Variants in MYO16 observed in about 807,000 individuals in gnomAD.
MYO16 encodes myosin XVI.
In MYO16, 94 loss-of-function variants were observed where a neutral mutation model predicts 205.3. The observed-to-expected ratio is 0.46, with a 90% CI of 0.39 to 0.54. MYO16 has a LOEUF of 0.54. Among genes scored for constraint, MYO16 ranks in the 20% least tolerant of loss-of-function variants. The probability of loss-of-function intolerance (pLI) is 0.00; values close to 1 mark genes in which losing one functional copy is unlikely to be tolerated. For missense variants in MYO16, 2,315 were observed against 2,387.5 expected, an observed-to-expected ratio of 0.97 and a Z score of 0.63; for synonymous variants, 988 against 954.0, an observed-to-expected ratio of 1.04 and a Z score of -0.66.
chr13:108,854,791 A>G (rs914458168), intron 10 of MYO16, among the ~76,000 whole-genome samples: 1 of 152,186 alleles, frequency 6.6e-6, no homozygotes, highest in African/African-American at 2.4e-5. Context: ...GAAGAATCCA[A>G]ATTTATCTTT....
At chr13:108,543,615 C>G in the MYO16 span, among the ~76,000 whole-genome samples, 2 of 144,808 alleles carry the variant, frequency 1.4e-5, no homozygotes, top group African/African-American at 5.1e-5. Flanking sequence ...GCACTCCAGC[C>G]TGGGCGACAG....
Position 108,718,125 on chromosome 13 carries a change from C to A in MYO16, c.363+5394C>A, listed in dbSNP as rs151332248. Among the ~76,000 whole-genome samples the A allele has an allele frequency of 6.6e-4, 100 of 152,116 alleles. 1 individual carries two copies. In the South Asian group the frequency reaches 0.014, roughly 22 times the overall value. Reference sequence around the variant, plus strand: ...TACTACAGTAGGGGTGGTTCAACAGCCTAATATCTTCAAAGTCTAGCAGAA... The same window carrying A: ...TACTACAGTAGGGGTGGTTCAACAGACTAATATCTTCAAAGTCTAGCAGAA... On this transcript the variant is annotated intron_variant, in intron 3 of 34. Coordinates refer to ENST00000457511, the MANE Select transcript of MYO16 (RefSeq NM_001198950.3).
chr13:109,137,694 C>A (rs541990624), intron 31 of MYO16, among the ~76,000 whole-genome samples: 1 of 152,020 alleles, frequency 6.6e-6, no homozygotes, highest in Non-Finnish European at 1.5e-5. Flanking sequence ...TGAATGATTC[C>A]CATTGTTTTC....
intron 6 of MYO16, among the ~76,000 whole-genome samples, chr13:108,798,860 C>A (rs970710874): frequency 6.9e-6 from 1 of 144,094 alleles, no homozygotes; most frequent in Admixed American, 7.0e-5. Context: ...CGCCCGCCAC[C>A]GCGCCCGGCT....
At position 109,001,965 on chromosome 13, in the gene MYO16, ATATCT is replaced by A. The variant is rs550961915; in HGVS notation, c.2443-6928_2443-6924del. On this transcript the variant is annotated intron_variant, in intron 21 of 34. Transcript: ENST00000457511. ...GTCTCATGTGAACACACACACATTA[ATATCT>A]TATATATACACATATATATTAACTA... Among the ~76,000 whole-genome samples the A allele has an allele frequency of 3.4e-3, 522 of 152,248 alleles. 1 individual carries two copies. The highest frequency in any genetic ancestry group is 0.012 in the African/African-American group (491 of 41,538).
intron 21 of MYO16, 144 bp from the exon 22 acceptor site, chr13:109,008,749 ACTGT>A: frequency 8.3e-6 from 4 of 482,774 alleles, no homozygotes; most frequent in East Asian, 8.4e-5. Context: ...TGTATGCACT[ACTGT>A]ACTATCTTGT....
At chr13:108,502,394 AAAGTT>A in the MYO16 span, among the ~76,000 whole-genome samples, 1 of 152,218 alleles carries the variant, frequency 6.6e-6, no homozygotes, top group Non-Finnish European at 1.5e-5. Context: ...TAATGTAAGT[AAAGTT>A]AATTCCTCAT....
chr13:108,558,982 T>A, the MYO16 span, among the ~76,000 whole-genome samples: 1 of 119,846 alleles, frequency 8.3e-6, no homozygotes, highest in South Asian at 2.8e-4. Flanking sequence ...GATGAGATGT[T>A]GATTTTTTTT....
the MYO16 span, among the ~76,000 whole-genome samples, chr13:108,545,767 T>C: frequency 6.6e-6 from 1 of 152,178 alleles, no homozygotes; most frequent in Non-Finnish European, 1.5e-5. Context: ...GGGATGGAGT[T>C]TGACTTACAC....
chr13:109,124,982 A>T, intron 29 of MYO16, 130 bp from the exon 30 acceptor site: 1 of 1,015,140 alleles, frequency 9.9e-7, no homozygotes, highest in Non-Finnish European at 1.4e-6. Flanking sequence ...ATTTAGATAA[A>T]GTCTTATTCT....
intron 21 of MYO16, among the ~76,000 whole-genome samples, chr13:108,999,557 A>G (rs1469577975): frequency 1.3e-5 from 2 of 152,208 alleles, no homozygotes; most frequent in Non-Finnish European, 2.9e-5. Context: ...GTGTTTATAG[A>G]TAGCATGATT....
At chr13:108,876,167 ATTAT>A (rs1224484131) in intron 12 of MYO16, among the ~76,000 whole-genome samples, 3 of 152,208 alleles carry the variant, frequency 2.0e-5, no homozygotes, top group South Asian at 2.1e-4. Flanking sequence ...CTATCATTTA[ATTAT>A]TCTTAATATT....
the MYO16 span, among the ~76,000 whole-genome samples, chr13:108,577,478 A>C: frequency 0.65 from 98,344 of 151,952 alleles, 33,158 homozygotes; most frequent in Non-Finnish European, 0.74. Flanking sequence ...TATCTTCCTG[A>C]CTTCATGGCT....
chr13:109,066,806 T>C (rs1887762872), intron 27 of MYO16, among the ~76,000 whole-genome samples: 1 of 152,162 alleles, frequency 6.6e-6, no homozygotes, highest in South Asian at 2.1e-4. Flanking sequence ...TGGCTGGTTT[T>C]GGCTCAAGGG....
In MYO16 at chr13:108,868,917, C is replaced by CAAA. The variant is rs34882433; in HGVS notation, c.1425+2689_1425+2691dup. On this transcript the variant is annotated intron_variant, in intron 12 of 34. Coordinates refer to ENST00000457511, the MANE Select transcript of MYO16 (RefSeq NM_001198950.3). Reference sequence around the variant, plus strand: ...GCTGGGCAACAGAGTGAGACTCTGTCAAAAAAAAAAAAAAAATCCTTTCTC... The same window carrying CAAA: ...GCTGGGCAACAGAGTGAGACTCTGTCAAAAAAAAAAAAAAAAAAATCCTTTCTC... Among the ~76,000 whole-genome samples, 127 of 138,358 alleles carry CAAA rather than the reference C, an allele frequency of 9.2e-4. No homozygotes were observed. The Middle Eastern group carries it at 0.011, about 12-fold the overall frequency. The allele number at this position is 138,358 out of a possible 152,430, so 90.8% of individuals were successfully genotyped here.
At chr13:109,024,077 A>G in intron 23 of MYO16, among the ~76,000 whole-genome samples, 1 of 146,642 alleles carries the variant, frequency 6.8e-6, no homozygotes, top group South Asian at 2.1e-4. Flanking sequence ...TTTAAATATA[A>G]ATTTATATAC....
At chr13:109,040,610 A>C (rs1886856729) in intron 23 of MYO16, among the ~76,000 whole-genome samples, 1 of 152,174 alleles carries the variant, frequency 6.6e-6, no homozygotes, top group Non-Finnish European at 1.5e-5. Flanking sequence ...AGAAGAAAAA[A>C]ATACATGATT....
intron 6 of MYO16, among the ~76,000 whole-genome samples, chr13:108,804,411 G>T (rs79806103): frequency 6.6e-6 from 1 of 152,270 alleles, no homozygotes; most frequent in East Asian, 1.9e-4. Context: ...ACACCACAGG[G>T]ATCAACACTG....
chr13:108,695,454 A>G (rs1432495916), intron 2 of MYO16, among the ~76,000 whole-genome samples: 1 of 152,138 alleles, frequency 6.6e-6, no homozygotes, highest in Non-Finnish European at 1.5e-5. Flanking sequence ...AAATCATGAC[A>G]AGTAAGTCCT....
Sources: allele counts gnomAD v4.1 joint callset (sites outside exome capture counted in the v4.1 genomes callset), GRCh38; gene constraint gnomAD v4.1.1; transcripts MANE v1.5; gene names NCBI Gene and HGNC (gene_info 2026-07-23, HGNC 2026-07-21).